The following OSBPL3 variants were observed in gnomAD, a reference collection of about 807,000 sequenced individuals.
OSBPL3 encodes oxysterol-binding protein-related protein 3.
Under a neutral mutation model 120.1 loss-of-function variants are expected in OSBPL3, and 65 were observed. The ratio of observed to expected loss-of-function variants is 0.54; its 90% CI spans 0.44 to 0.67. The LOEUF is 0.67. Ranked by LOEUF, OSBPL3 falls within the 30% of genes least tolerant of loss-of-function variation. The pLI is 0.00. For missense variants in OSBPL3, 1,004 were observed against 1,082.1 expected, an observed-to-expected ratio of 0.93 and a Z score of 1.01; for synonymous variants, 416 against 402.6, an observed-to-expected ratio of 1.03 and a Z score of -0.40.
rs1394698531 is a variant in OSBPL3, at chr7:24,968,913, A to G, written c.-150+10973T>C. Among the ~76,000 whole-genome samples the G allele has an allele frequency of 6.6e-6, 1 of 152,192 alleles. No homozygotes were observed. The highest frequency in any genetic ancestry group is 6.5e-5 in the Admixed American group (1 of 15,282). On this transcript the variant is annotated intron_variant, in intron 1 of 22. Coordinates refer to ENST00000313367, the MANE Select transcript of OSBPL3 (RefSeq NM_015550.4). The surrounding 1 kb of genome is among the most constrained non-coding windows in gnomAD (Gnocchi z 4.6). Reference sequence around the variant, plus strand: ...ATTTTTAATTAGTACTTACTGATGAAAATTAAGTTACTTGCAATCTGGTAT... The same window carrying G: ...ATTTTTAATTAGTACTTACTGATGAGAATTAAGTTACTTGCAATCTGGTAT...
chr7:24,878,351 A>G (rs1431905022), intron 2 of OSBPL3, among the ~76,000 whole-genome samples: 4 of 152,168 alleles, frequency 2.6e-5, no homozygotes, highest in Non-Finnish European at 5.9e-5. Flanking sequence ...TGGTTGGAAA[A>G]CGGGTGTCCT....
Position 24,892,595 on chromosome 7 carries a change from T to C in OSBPL3, c.-123A>G. On this transcript the variant is annotated 5_prime_UTR_variant, in exon 2 of 23. Coordinates refer to ENST00000313367, the MANE Select transcript of OSBPL3 (RefSeq NM_015550.4). ...TATCCAAAGTATTTAAAAAACATTT[T>C]GGGTGGCCCAAAGGAAACCCTAAAA... is the stretch of plus-strand genomic sequence containing the variant. The C allele has an allele frequency of 7.0e-7, 1 of 1,422,320 alleles. No homozygotes were observed. The highest frequency in any genetic ancestry group is 9.3e-7 in the Non-Finnish European group (1 of 1,079,160). 88.1% of individuals were successfully genotyped at this position (1,422,320 alleles called of 1,614,324 possible). A position where few individuals can be genotyped will look rare whatever the true frequency, so the allele number is the denominator to read the frequency against.
intron 5 of OSBPL3, 23 bp from the exon 6 acceptor site, chr7:24,866,260 A>G (rs769948108): frequency 6.5e-7 from 1 of 1,545,098 alleles, no homozygotes. Flanking sequence ...CGATTGAAAA[A>G]AGGAAACAAG....
At chr7:24,807,106 G>T (rs1266767538) in intron 20 of OSBPL3, among the ~76,000 whole-genome samples, 1 of 152,118 alleles carries the variant, frequency 6.6e-6, no homozygotes, top group Non-Finnish European at 1.5e-5. Flanking sequence ...TGCCTACAGG[G>T]ATGTGGCCTC....
intron 1 of OSBPL3, among the ~76,000 whole-genome samples, chr7:24,917,409 T>TTTGTAAC (rs879513146): frequency 0.087 from 11,714 of 134,918 alleles, 857 homozygotes; most frequent in East Asian, 0.28. Flanking sequence ...AACATATATA[T>TTTGTAAC]ATATATATAT....
chr7:24,837,185 A>G (rs988444568), intron 14 of OSBPL3, among the ~76,000 whole-genome samples: 1 of 152,034 alleles, frequency 6.6e-6, no homozygotes, highest in African/African-American at 2.4e-5. Flanking sequence ...GTAGCTGCAA[A>G]TGGCAGTTTT....
rs1276019153 is a variant in OSBPL3 at position 24,959,916 on chromosome 7, A to G, written c.-150+19970T>C. ...AAACAATGCATGAGTCACAAATGGTATTCAAATTTTTTGATTAAGAATAAA... is the reference window on the plus strand; with the variant it reads ...AAACAATGCATGAGTCACAAATGGTGTTCAAATTTTTTGATTAAGAATAAA... On this transcript the variant is annotated intron_variant, in intron 1 of 22. Coordinates refer to ENST00000313367, the MANE Select transcript of OSBPL3 (RefSeq NM_015550.4). The surrounding 1 kb of genome is among the most constrained non-coding windows in gnomAD (Gnocchi z 4.3). Among the ~76,000 whole-genome samples, 2 of 152,206 alleles carry G rather than the reference A, an allele frequency of 1.3e-5. No homozygotes were observed. The highest frequency in any genetic ancestry group is 2.9e-5 in the Non-Finnish European group (2 of 68,022).
At chr7:24,917,382 CAT>C (rs1266832261) in intron 1 of OSBPL3, among the ~76,000 whole-genome samples, 1 of 97,032 alleles carries the variant, frequency 1.0e-5, no homozygotes, top group Non-Finnish European at 2.0e-5. Flanking sequence ...ATATTTGTAA[CAT>C]ATATATATAT....
intron 14 of OSBPL3, among the ~76,000 whole-genome samples, chr7:24,839,018 G>A (rs1456033844): frequency 1.3e-5 from 2 of 152,114 alleles, no homozygotes; most frequent in East Asian, 1.9e-4. Flanking sequence ...TCCAAAGCAT[G>A]GTAAAATTAC....
intron 13 of OSBPL3, 135 bp downstream of exon 13, chr7:24,842,144 G>C: frequency 1.2e-6 from 1 of 864,678 alleles, no homozygotes; most frequent in South Asian, 1.6e-5. Context: ...AGTTATGGGA[G>C]AACTCTCAGA....
rs577034951 is a variant in OSBPL3, at chr7:24,963,990, G to A, written c.-150+15896C>T. 2.6e-3 allele frequency among the ~76,000 whole-genome samples: 395 copies of A among 152,234 alleles called. 3 individuals carry two copies. The highest frequency in any genetic ancestry group is 7.4e-3 in the Admixed American group (113 of 15,304). On this transcript the variant is annotated intron_variant, in intron 1 of 22. Transcript: ENST00000313367. ...GATGGACTTACATCAAAGGGATACA[G>A]GAGCCAACCGAAAGCACTCCTAATA...
rs1817100038 is a variant in OSBPL3, at chr7:24,972,193, G to A, written c.-150+7693C>T. 6.6e-6 allele frequency among the ~76,000 whole-genome samples: 1 copy of A among 152,190 alleles called. No homozygotes were observed. Among genetic ancestry groups the A allele is most frequent in the South Asian group, 2.1e-4 (1 of 4,828 alleles). On this transcript the variant is annotated intron_variant, in intron 1 of 22. Coordinates refer to ENST00000313367, the MANE Select transcript of OSBPL3 (RefSeq NM_015550.4). The surrounding 1 kb of genome is among the most constrained non-coding windows in gnomAD (Gnocchi z 4.3). The stretch of plus-strand genomic sequence containing the variant: ...CTCCCATTAGCAAATAAACAAACCT[G>A]TGTGTCGCATCAGAGAGAGAAATTC...
chr7:24,856,485 G>A (rs1381889377), intron 10 of OSBPL3, among the ~76,000 whole-genome samples: 1 of 152,074 alleles, frequency 6.6e-6, no homozygotes, highest in East Asian at 1.9e-4. Flanking sequence ...TAAGATCTTG[G>A]AGAAAGTAGT....
intron 1 of OSBPL3, among the ~76,000 whole-genome samples, chr7:24,975,478 A>G (rs1817479805): frequency 1.3e-5 from 2 of 152,242 alleles, no homozygotes; most frequent in African/African-American, 2.4e-5. Flanking sequence ...TCACATTCCA[A>G]TTAACTTTTC....
chr7:24,828,606 G>GAAAAAAGAAAAAAAAAAAAAA (rs1491571662), intron 16 of OSBPL3, among the ~76,000 whole-genome samples: 2 of 32,522 alleles, frequency 6.1e-5, no homozygotes. Context: ...GACTCTGTCT[G>GAAAAAAGAAAAAAAAAAAAAA]AAAAAAAAAA....
At chr7:24,942,919 A>C (rs1584692758) in intron 1 of OSBPL3, among the ~76,000 whole-genome samples, 1 of 152,234 alleles carries the variant, frequency 6.6e-6, no homozygotes, top group East Asian at 1.9e-4. Flanking sequence ...ACGGTGATTA[A>C]GAAACTACAT....
At position 24,872,911 on chromosome 7, in the gene OSBPL3, A is replaced by G. The variant is rs1014361937; in HGVS notation, c.97-842T>C. 1.3e-5 allele frequency among the ~76,000 whole-genome samples: 2 copies of G among 152,238 alleles called. No homozygotes were observed. Among genetic ancestry groups the G allele is most frequent in the Non-Finnish European group, 2.9e-5 (2 of 68,038 alleles). On this transcript the variant is annotated intron_variant, in intron 2 of 22. Transcript: ENST00000313367. The surrounding 1 kb of genome is among the most constrained non-coding windows in gnomAD (Gnocchi z 4.1). ...CACCCCAAGATAAACCAAAAGTAGC[A>G]ATACTTCAGTGACTGGGAGAATTTA...
rs1387365133 is a variant in OSBPL3 at position 24,819,341 on chromosome 7, C to T, written c.1948+834G>A. On this transcript the variant is annotated intron_variant, in intron 17 of 22. Transcript: ENST00000313367. The surrounding 1 kb of genome is among the most constrained non-coding windows in gnomAD (Gnocchi z 4.1). ...GATTTACCAATTAGGAGGCTAGGAA[C>T]CTTATGAGAATATTTCCAGAGGGTT... Among the ~76,000 whole-genome samples, 2 of 151,720 alleles carry T rather than the reference C, an allele frequency of 1.3e-5. No individual in the cohort carries two copies. The highest frequency in any genetic ancestry group is 4.8e-5 in the African/African-American group (2 of 41,258).
intron 18 of OSBPL3, among the ~76,000 whole-genome samples, chr7:24,816,008 A>G (rs1794419723): frequency 6.6e-6 from 1 of 152,224 alleles, no homozygotes; most frequent in Admixed American, 6.5e-5. Context: ...GCAAAGCAGC[A>G]TAATAAAGGA....
Sources: allele counts gnomAD v4.1 joint callset (sites outside exome capture counted in the v4.1 genomes callset), GRCh38; gene constraint gnomAD v4.1.1; non-coding constraint Gnocchi (gnomAD v3.1); transcripts MANE v1.5; gene names NCBI Gene and HGNC (gene_info 2026-07-23, HGNC 2026-07-21).